CSMD3: variants seen among roughly 807,000 people sequenced by gnomAD.
The protein encoded by CSMD3 is CUB and sushi domain-containing protein 3.
Under a neutral mutation model 435.2 loss-of-function variants are expected in CSMD3, and 177 were observed. That is an observed-to-expected ratio of 0.41 (90% CI 0.36 to 0.46). The LOEUF is 0.46. Among genes scored for constraint, CSMD3 ranks in the 20% least tolerant of loss-of-function variants. The pLI is 0.34. For synonymous variants in CSMD3, 1,656 were observed against 1,520.5 expected (o/e 1.09, Z -2.07); for missense variants, 4,265 against 4,504.6 (o/e 0.95, Z 1.52).
At chr8:113,012,546 G>C (rs998049089) in intron 6 of CSMD3, among the ~76,000 whole-genome samples, 1 of 151,980 alleles carries the variant, frequency 6.6e-6, no homozygotes, top group Non-Finnish European at 1.5e-5. Context: ...TGTTGATAGT[G>C]AGTGAATTCT....
intron 3 of CSMD3, among the ~76,000 whole-genome samples, chr8:113,214,266 GA>G (rs1370241594): frequency 6.6e-6 from 1 of 151,942 alleles, no homozygotes; most frequent in Non-Finnish European, 1.5e-5. Flanking sequence ...GCAGATTTAT[GA>G]GGTGCATGTG....
At position 112,223,219 on chromosome 8, in the gene CSMD3, G is replaced by C. The variant is rs1225210399; in HGVS notation, c.*1552C>G. On this transcript the variant is annotated 3_prime_UTR_variant, in exon 71 of 71. Transcript: ENST00000297405. ...TCCTGCCAGTAGAGTACCATGTTGA[G>C]AAAATTGTATGAATTTCCAAAACAA... 2.6e-6 allele frequency: 1 copy of C among 391,450 alleles called. No homozygotes were observed. Among genetic ancestry groups the C allele is most frequent in the African/African-American group, 2.1e-5 (1 of 48,452 alleles). 24.2% of individuals were successfully genotyped at this position (391,450 alleles called of 1,614,324 possible).
chr8:112,365,328 G>A (rs1484529951), intron 38 of CSMD3, among the ~76,000 whole-genome samples: 1 of 151,494 alleles, frequency 6.6e-6, no homozygotes, highest in Non-Finnish European at 1.5e-5. Context: ...GGTAATTTTT[G>A]TTAGCACAAA....
intron 27 of CSMD3, among the ~76,000 whole-genome samples, chr8:112,544,160 C>A (rs1452694225): frequency 6.6e-6 from 1 of 151,952 alleles, no homozygotes; most frequent in Admixed American, 6.6e-5. Flanking sequence ...TAGTGTTGTA[C>A]CTATAACCAA....
intron 31 of CSMD3, among the ~76,000 whole-genome samples, chr8:112,482,045 G>C (rs1019802512): frequency 6.6e-6 from 1 of 151,920 alleles, no homozygotes; most frequent in Non-Finnish European, 1.5e-5. Flanking sequence ...GTAATCAGTG[G>C]CTTATAAACC....
At chr8:113,213,658 TATA>T (rs1188697411) in intron 3 of CSMD3, among the ~76,000 whole-genome samples, 6 of 152,008 alleles carry the variant, frequency 3.9e-5, no homozygotes, top group Admixed American at 6.6e-5. Flanking sequence ...TAAGTCTAAG[TATA>T]CAATTATGAA....
At chr8:112,456,829 T>A (rs1816887419) in intron 32 of CSMD3, among the ~76,000 whole-genome samples, 1 of 152,042 alleles carries the variant, frequency 6.6e-6, no homozygotes, top group Admixed American at 6.6e-5. Context: ...TGAACAAACA[T>A]GTCTAGACAC....
At chr8:113,182,061 G>A (rs1422691287) in intron 3 of CSMD3, among the ~76,000 whole-genome samples, 9 of 151,958 alleles carry the variant, frequency 5.9e-5, no homozygotes, top group Non-Finnish European at 8.8e-5. Context: ...ATTGAAGCCC[G>A]AGGCACAAAT....
chr8:112,308,674 A>T (rs1271334773), intron 50 of CSMD3, among the ~76,000 whole-genome samples: 4 of 152,066 alleles, frequency 2.6e-5, no homozygotes, highest in Admixed American at 2.6e-4. Context: ...AATTATATTC[A>T]TGAGGATTGT....
In CSMD3 at chr8:112,539,832, T is replaced by C. The variant is rs151130699; in HGVS notation, c.4564+10839A>G. Reference sequence around the variant, plus strand: ...AACATTGGGAAATACTTCAGGACATTAGTTCTGGCAAATATTTTTTGCATA... The same window carrying C: ...AACATTGGGAAATACTTCAGGACATCAGTTCTGGCAAATATTTTTTGCATA... On this transcript the variant is annotated intron_variant, in intron 27 of 70. Coordinates refer to ENST00000297405, the MANE Select transcript of CSMD3 (RefSeq NM_198123.2). Among the ~76,000 whole-genome samples, 539 of 152,224 alleles carry C rather than the reference T, an allele frequency of 3.5e-3. 1 individual carries two copies. The highest frequency in any genetic ancestry group is 0.012 in the African/African-American group (518 of 41,562).
chr8:112,549,888 G>C (rs1216862776), intron 27 of CSMD3, among the ~76,000 whole-genome samples: 1 of 151,984 alleles, frequency 6.6e-6, no homozygotes, highest in East Asian at 1.9e-4. Flanking sequence ...TTCACTCATA[G>C]TTGATCATAG....
intron 4 of CSMD3, among the ~76,000 whole-genome samples, chr8:113,157,228 C>T (rs547661249): frequency 4.6e-5 from 7 of 152,146 alleles, no homozygotes; most frequent in East Asian, 1.9e-4. Context: ...ATAAACCACA[C>T]GTGGTACTTT....
At chr8:113,364,792 T>G (rs983412718) in intron 1 of CSMD3, among the ~76,000 whole-genome samples, 24 of 152,072 alleles carry the variant, frequency 1.6e-4, no homozygotes, top group African/African-American at 5.8e-4. Context: ...TATATTTCTT[T>G]AAAAAGTATT....
At chr8:112,700,132 A>G (rs1371053324) in intron 13 of CSMD3, among the ~76,000 whole-genome samples, 1 of 152,162 alleles carries the variant, frequency 6.6e-6, no homozygotes, top group Non-Finnish European at 1.5e-5. Context: ...ATGAGCTATT[A>G]TGTTTGCAAC....
chr8:112,281,746 T>C (rs905128917), intron 58 of CSMD3, among the ~76,000 whole-genome samples: 9 of 152,140 alleles, frequency 5.9e-5, no homozygotes, highest in African/African-American at 1.9e-4. Context: ...CAACAGAGAT[T>C]TATTACATTT....
intron 32 of CSMD3, among the ~76,000 whole-genome samples, chr8:112,442,697 G>A (rs1401084704): frequency 2.6e-5 from 4 of 152,054 alleles, no homozygotes; most frequent in South Asian, 2.1e-4. Context: ...GCAGCCTAAC[G>A]TGTTTCTCTG....
At chr8:112,316,857 C>G (rs1822525286) in intron 47 of CSMD3, among the ~76,000 whole-genome samples, 1 of 151,790 alleles carries the variant, frequency 6.6e-6, no homozygotes, top group African/African-American at 2.4e-5. Context: ...AAGTGAGACA[C>G]ATAGAGCTAC....
chr8:112,245,385 A>G (rs1415179963), intron 64 of CSMD3, among the ~76,000 whole-genome samples: 2 of 152,184 alleles, frequency 1.3e-5, no homozygotes, highest in Non-Finnish European at 2.9e-5. Flanking sequence ...ATATACATCC[A>G]TAAAAGTGAT....
chr8:112,358,623 G>C (rs572090980), intron 38 of CSMD3, among the ~76,000 whole-genome samples: 1 of 152,176 alleles, frequency 6.6e-6, no homozygotes, highest in Non-Finnish European at 1.5e-5. Context: ...CCCTGCACAA[G>C]TTCCCTCTCT....
Sources: gnomAD v4.1 joint callset for allele counts (sites outside exome capture counted in the v4.1 genomes callset) on GRCh38, gnomAD v4.1.1 for gene constraint, MANE v1.5 for transcripts, NCBI Gene and HGNC (gene_info 2026-07-23, HGNC 2026-07-21) for gene names.